FRMPD3: variants seen among roughly 807,000 people sequenced by gnomAD.
FRMPD3 encodes FERM and PDZ domain-containing protein 3.
FRMPD3 carries 42 observed loss-of-function variants against 97.9 expected under a neutral mutation model. The observed-to-expected ratio is 0.43, with a 90% confidence interval of 0.34 to 0.55. The LOEUF is 0.55. Ranked by LOEUF, FRMPD3 falls within the 20% of genes least tolerant of loss-of-function variation. FRMPD3 has a pLI of 0.03. For synonymous variants in FRMPD3, 577 were observed against 581.1 expected (o/e 0.99, Z 0.10); for missense variants, 1,303 against 1,457.7 (o/e 0.89, Z 1.73).
intron 13 of FRMPD3, among the ~76,000 whole-genome samples, chrX:107,583,216 C>T (rs192030383): frequency 1.4e-3 from 159 of 109,882 alleles, no homozygotes; most frequent in Middle Eastern, 4.7e-3. Context: ...CCTATTCACC[C>T]GTCCTCTAAG....
In FRMPD3 at chrX:107,549,387, G is replaced by C. The variant is rs773411403; in HGVS notation, c.403-662G>C. Among the ~76,000 whole-genome samples the C allele has an allele frequency of 3.6e-5, 4 of 111,911 alleles. No individual in the cohort carries two copies. In the Admixed American group the frequency reaches 3.8e-4, roughly 11 times the overall value. The stretch of plus-strand genomic sequence containing the variant: ...TGTTTCAGGTCATCCCAATGCTTTG[G>C]TGTGCTACTGGCACTTCATGTCTCA... On this transcript the variant is annotated intron_variant, in intron 5 of 14. Transcript: ENST00000683843.
At chrX:107,488,032 T>TTTCTCCTCC (rs1179999450) in intron 1 of FRMPD3, among the ~76,000 whole-genome samples, 6 of 111,377 alleles carry the variant, frequency 5.4e-5, no homozygotes, top group African/African-American at 2.0e-4. Context: ...TCATTTCCCC[T>TTTCTCCTCC]TTCTCCTCCT....
At chrX:107,533,470 A>G in intron 3 of FRMPD3, 35 bp from the exon 4 acceptor site, 1 of 1,169,003 alleles carries the variant, frequency 8.6e-7, no homozygotes, top group East Asian at 3.0e-5. Context: ...CTAGTGCATG[A>G]TACACTACTC....
intron 13 of FRMPD3, among the ~76,000 whole-genome samples, chrX:107,581,465 A>T (rs1340418109): frequency 9.7e-6 from 1 of 103,489 alleles, no homozygotes; most frequent in Non-Finnish European, 2.0e-5. Context: ...GCTGTGCTTT[A>T]AAAAAAAAAA....
chrX:107,488,007 C>T (rs1188794831), intron 1 of FRMPD3, among the ~76,000 whole-genome samples: 3 of 111,495 alleles, frequency 2.7e-5, no homozygotes, highest in Non-Finnish European at 5.7e-5. Flanking sequence ...AGGCTCTAGG[C>T]TCACACCCAG....
intron 13 of FRMPD3, among the ~76,000 whole-genome samples, chrX:107,582,950 A>G (rs1482413126): frequency 8.9e-6 from 1 of 112,087 alleles, no homozygotes. Context: ...TCAATTTGGA[A>G]AGTACTATCA....
intron 1 of FRMPD3, among the ~76,000 whole-genome samples, chrX:107,523,444 G>A (rs749796652): frequency 5.0e-4 from 56 of 111,930 alleles, no homozygotes; most frequent in Non-Finnish European, 9.2e-4. Flanking sequence ...GACAGAGTTT[G>A]GTTCTTGCCT....
intron 13 of FRMPD3, among the ~76,000 whole-genome samples, chrX:107,577,923 T>C (rs1313061100): frequency 9.0e-6 from 1 of 111,389 alleles, no homozygotes; most frequent in Non-Finnish European, 1.9e-5. Context: ...AGATTCCACA[T>C]AGAAAAGCAA....
At chrX:107,598,261 G>T (rs1026799326) in intron 14 of FRMPD3, 119 bp downstream of exon 14, 2 of 608,201 alleles carry the variant, frequency 3.3e-6, no homozygotes, top group Non-Finnish European at 5.1e-6. Flanking sequence ...CAGGGCAGTG[G>T]ATGTACCAAA....
chrX:107,479,865 C>CAG (rs1215666846), intron 1 of FRMPD3, among the ~76,000 whole-genome samples: 10 of 57,881 alleles, frequency 1.7e-4, no homozygotes, highest in South Asian at 7.6e-4. Flanking sequence ...CACACACACA[C>CAG]AGAGAGAGAG....
chrX:107,527,617 T>C lies in FRMPD3; in HGVS notation c.148+881T>C, dbSNP rs1355656062. Among the ~76,000 whole-genome samples, 3 of 112,453 alleles carry C rather than the reference T, an allele frequency of 2.7e-5. No homozygotes were observed. In the East Asian group the frequency reaches 8.3e-4, roughly 31 times the overall value. ...GACTGAAGTACTGTTTTGTTTCGAATCTGCTAGGCATTGACAAAAAAGACA... is the reference window on the plus strand; with the variant it reads ...GACTGAAGTACTGTTTTGTTTCGAACCTGCTAGGCATTGACAAAAAAGACA... On this transcript the variant is annotated intron_variant, in intron 2 of 14. Coordinates refer to ENST00000683843, the MANE Select transcript of FRMPD3 (RefSeq NM_001388459.1).
intron 1 of FRMPD3, among the ~76,000 whole-genome samples, chrX:107,526,071 G>C (rs897498803): frequency 9.1e-6 from 1 of 109,796 alleles, no homozygotes; most frequent in Non-Finnish European, 1.9e-5. Context: ...GTGAGACTCT[G>C]TCTCAAAAAA....
chrX:107,541,733 C>G (rs1430885861), intron 4 of FRMPD3, among the ~76,000 whole-genome samples: 1 of 111,581 alleles, frequency 9.0e-6, no homozygotes, highest in Non-Finnish European at 1.9e-5. Flanking sequence ...TTGTTTGAGT[C>G]CATTACATAA....
At position 107,560,197 on chromosome X, in the gene FRMPD3, C is replaced by CA. The variant is rs2050749908; in HGVS notation, c.763-59dup. Reference sequence around the variant, plus strand: ...TTGTCTGGGATGTAAGGGAGTAGATCAGGGGGTGGGGAAGGAATGTCTCCT... The same window carrying CA: ...TTGTCTGGGATGTAAGGGAGTAGATCAAGGGGGTGGGGAAGGAATGTCTCCT... On this transcript the variant is annotated intron_variant, in intron 8 of 14. Transcript: ENST00000683843. The CA allele has an allele frequency of 3.4e-6, 4 of 1,164,765 alleles. No individual in the cohort carries two copies. In the Admixed American group the frequency reaches 9.0e-5, roughly 26 times the overall value.
chrX:107,581,958 TA>T (rs1923409857), intron 13 of FRMPD3, among the ~76,000 whole-genome samples: 1 of 111,731 alleles, frequency 9.0e-6, no homozygotes, highest in South Asian at 3.8e-4. Flanking sequence ...AATGTTGTTA[TA>T]AACATTCATG....
In FRMPD3 at chrX:107,563,140, T is replaced by C; in HGVS notation, c.1056T>C (p.Tyr352=). The C allele has an allele frequency of 4.1e-6, 5 of 1,210,281 alleles. No individual in the cohort carries two copies. The highest frequency in any genetic ancestry group is 5.6e-6 in the Non-Finnish European group (5 of 894,984). ...CTGCAATTCAGGCAAAGCTCCAGTATCTACGAATTCTGAATGAACTTCCTA... is the reference window on the plus strand; with the variant it reads ...CTGCAATTCAGGCAAAGCTCCAGTACCTACGAATTCTGAATGAACTTCCTA... The part of the protein sequence containing the change: ...KGSAIQAKLQ[Y]LRILNELPTF... The change falls in exon 11 of 15, where the codon TAT becomes TAC. Residue 352 remains tyrosine, a synonymous_variant. Coordinates refer to ENST00000683843, the MANE Select transcript of FRMPD3 (RefSeq NM_001388459.1).
At chrX:107,576,664 G>T (rs1041031912) in intron 13 of FRMPD3, among the ~76,000 whole-genome samples, 6 of 112,203 alleles carry the variant, frequency 5.3e-5, no homozygotes, top group African/African-American at 1.9e-4. Flanking sequence ...TTTCACAAAG[G>T]ATACCTGTGA....
Position 107,556,246 on chromosome X carries a change from C to G in FRMPD3, c.762+1742C>G, listed in dbSNP as rs750114565. Reference sequence around the variant, plus strand: ...TCCCAGACAGCCTCAGGTTCATTTACCAACCTTCTAGGAGGCAATGAGTTG... The same window carrying G: ...TCCCAGACAGCCTCAGGTTCATTTAGCAACCTTCTAGGAGGCAATGAGTTG... On this transcript the variant is annotated intron_variant, in intron 8 of 14. Coordinates refer to ENST00000683843, the MANE Select transcript of FRMPD3 (RefSeq NM_001388459.1). Among the ~76,000 whole-genome samples, 4 of 111,050 alleles carry G rather than the reference C, an allele frequency of 3.6e-5. No individual in the cohort carries two copies. The East Asian group carries it at 1.1e-3, about 31-fold the overall frequency.
At chrX:107,540,452 TG>T (rs1369084890) in intron 4 of FRMPD3, among the ~76,000 whole-genome samples, 1 of 111,789 alleles carries the variant, frequency 8.9e-6, no homozygotes, top group Non-Finnish European at 1.9e-5. Context: ...ATCACAACCC[TG>T]ACATCTGTAC....
Sources: gnomAD v4.1 joint callset for allele counts (sites outside exome capture counted in the v4.1 genomes callset) on GRCh38, gnomAD v4.1.1 for gene constraint, MANE v1.5 for transcripts, NCBI Gene and HGNC (gene_info 2026-07-23, HGNC 2026-07-21) for gene names.